The following ESR1 variants were observed in gnomAD, a reference collection of about 807,000 sequenced individuals.
ESR1 encodes the protein estrogen receptor.
ESR1 carries 12 observed loss-of-function variants against 52.7 expected under a neutral mutation model. The observed-to-expected ratio is 0.23, with a 90% CI of 0.15 to 0.37. The LOEUF is 0.37. Ranked by LOEUF, ESR1 falls within the 10% of genes least tolerant of loss-of-function variation. ESR1 has a pLI of 1.00. For missense variants in ESR1, 584 were observed against 779.7 expected (o/e 0.75, Z 2.99); for synonymous variants, 305 against 316.8 (o/e 0.96, Z 0.39).
At chr6:152,058,072 C>G (rs1440175481) in intron 5 of ESR1, among the ~76,000 whole-genome samples, 1 of 152,170 alleles carries the variant, frequency 6.6e-6, no homozygotes, top group East Asian at 1.9e-4. Flanking sequence ...GGTGTGCAGT[C>G]TGTTAAGTAA....
chr6:152,113,373 A>C (rs1294337696), intron 6 of ESR1, among the ~76,000 whole-genome samples: 1 of 152,194 alleles, frequency 6.6e-6, no homozygotes, highest in African/African-American at 2.4e-5. Flanking sequence ...GGTCCTCTGC[A>C]TGGGGCGGGG....
chr6:151,678,632 G>C (rs1201170807), intron 1 of ESR1, among the ~76,000 whole-genome samples: 1 of 151,858 alleles, frequency 6.6e-6, no homozygotes, highest in Non-Finnish European at 1.5e-5. Flanking sequence ...GTGTTTCCGG[G>C]GAAGGAGTCC....
intron 2 of ESR1, among the ~76,000 whole-genome samples, chr6:151,851,696 T>C (rs2128255865): frequency 6.6e-6 from 1 of 152,200 alleles, no homozygotes; most frequent in East Asian, 1.9e-4. Context: ...CCTGGCTAGT[T>C]TTTATATTTT....
chr6:151,973,579 C>G (rs2039129002), intron 4 of ESR1, among the ~76,000 whole-genome samples: 1 of 152,158 alleles, frequency 6.6e-6, no homozygotes, highest in African/African-American at 2.4e-5. Flanking sequence ...GTCTACTATG[C>G]TCCCAGTACC....
chr6:152,111,274 G>A (rs192926934), intron 6 of ESR1, among the ~76,000 whole-genome samples: 2 of 152,338 alleles, frequency 1.3e-5, no homozygotes, highest in African/African-American at 4.8e-5. Flanking sequence ...GGAAGCCTTT[G>A]GGCAAACATT....
At chr6:151,953,960 G>A (rs1205354722) in intron 4 of ESR1, among the ~76,000 whole-genome samples, 1 of 152,074 alleles carries the variant, frequency 6.6e-6, no homozygotes, top group Non-Finnish European at 1.5e-5. Context: ...AGCCTAAACT[G>A]ACTGTTGATT....
intron 2 of ESR1, among the ~76,000 whole-genome samples, chr6:151,786,314 C>G (rs1228580897): frequency 6.6e-6 from 1 of 152,202 alleles, no homozygotes; most frequent in Non-Finnish European, 1.5e-5. Context: ...CCTGGCACCT[C>G]TACCCTCTAG....
intron 3 of ESR1, among the ~76,000 whole-genome samples, chr6:151,886,248 G>A (rs2128348969): frequency 6.6e-6 from 1 of 152,178 alleles, no homozygotes; most frequent in Non-Finnish European, 1.5e-5. Flanking sequence ...ACACGAATTT[G>A]TGAAAGGTTT....
intron 2 of ESR1, among the ~76,000 whole-genome samples, chr6:151,858,789 T>G (rs1788356430): frequency 6.6e-6 from 1 of 152,116 alleles, no homozygotes; most frequent in South Asian, 2.1e-4. Flanking sequence ...GTGTGCAGTA[T>G]GAGGTTATTT....
chr6:152,016,811 C>A (rs1348677122), intron 5 of ESR1, among the ~76,000 whole-genome samples: 1 of 152,094 alleles, frequency 6.6e-6, no homozygotes, highest in Admixed American at 6.6e-5. Context: ...CATCATTTTT[C>A]TCATATCTCA....
intron 2 of ESR1, among the ~76,000 whole-genome samples, chr6:151,706,671 C>T (rs1167704383): frequency 2.0e-5 from 3 of 152,090 alleles, no homozygotes; most frequent in African/African-American, 7.2e-5. Flanking sequence ...CACAGCCTGC[C>T]CTTGCCTAGG....
chr6:151,934,990 T>C (rs997897882), intron 3 of ESR1, among the ~76,000 whole-genome samples: 1 of 152,216 alleles, frequency 6.6e-6, no homozygotes, highest in African/African-American at 2.4e-5. Context: ...CCAGTCAGTG[T>C]TTTCTAAGGC....
Position 152,060,048 on chromosome 6 carries a change from A to G in ESR1, c.1236-943A>G, listed in dbSNP as rs903617837. 3.9e-5 allele frequency among the ~76,000 whole-genome samples: 6 copies of G among 152,212 alleles called. No homozygotes were observed. In the South Asian group the frequency reaches 1.2e-3, roughly 32 times the overall value. The stretch of plus-strand genomic sequence containing the variant: ...TCTTTCTAACCCCGTCAAACACATC[A>G]TGCCAAAATTCAACTTGTGATAAAG... On this transcript the variant is annotated intron_variant, in intron 5 of 7. Transcript: ENST00000206249.
downstream of ESR1, among the ~76,000 whole-genome samples, chr6:152,105,103 C>G (rs1323967895): frequency 2.0e-5 from 3 of 152,202 alleles, no homozygotes; most frequent in Non-Finnish European, 4.4e-5. Context: ...CTGGCTCTCT[C>G]CATCTCTTCA....
At chr6:151,816,376 A>C (rs1267423418) in intron 1 of ESR1, among the ~76,000 whole-genome samples, 1 of 152,184 alleles carries the variant, frequency 6.6e-6, no homozygotes, top group Non-Finnish European at 1.5e-5. Context: ...ATCACTGGCA[A>C]ATTGCTTAAC....
chr6:151,817,842 G>A (rs142915583), intron 1 of ESR1, among the ~76,000 whole-genome samples: 1 of 152,270 alleles, frequency 6.6e-6, no homozygotes, highest in African/African-American at 2.4e-5. Flanking sequence ...GTTCATCAGA[G>A]AGTTGCCACC....
At chr6:151,759,007 T>C (rs564471617) in intron 2 of ESR1, among the ~76,000 whole-genome samples, 95 of 152,080 alleles carry the variant, frequency 6.2e-4, no homozygotes, top group African/African-American at 2.2e-3. Context: ...CCGGACGCAG[T>C]GGCTCACGCC....
Position 152,120,054 on chromosome 6 carries a change from T to G in ESR1, c.851-5212T>G, listed in dbSNP as rs564259122. 1.2e-4 allele frequency among the ~76,000 whole-genome samples: 19 copies of G among 152,376 alleles called. No individual in the cohort carries two copies. In the South Asian group the frequency reaches 1.4e-3, roughly 12 times the overall value. On this transcript the variant is annotated intron_variant, in intron 6 of 6. Transcript: ENST00000427531. The stretch of plus-strand genomic sequence containing the variant: ...AATGTATGCTAAGATTTTTCTTAAT[T>G]GAAACCAAATGTTTTTCTCAGCAAC...
intron 2 of ESR1, among the ~76,000 whole-genome samples, chr6:151,749,547 A>C (rs1783745293): frequency 2.0e-5 from 3 of 152,232 alleles, no homozygotes; most frequent in African/African-American, 7.2e-5. Context: ...ACTTTGTACC[A>C]GTTGATCAAC....
Sources: gnomAD v4.1 joint callset for allele counts (sites outside exome capture counted in the v4.1 genomes callset) on GRCh38, gnomAD v4.1.1 for gene constraint, MANE v1.5 for transcripts, NCBI Gene and HGNC (gene_info 2026-07-23, HGNC 2026-07-21) for gene names.